STPG2: variants seen among roughly 807,000 people sequenced by gnomAD.
STPG2 encodes sperm tail PG-rich repeat containing 2.
Under a neutral mutation model 54.2 loss-of-function variants are expected in STPG2, and 56 were observed. That is an observed-to-expected ratio of 1.03 (90% CI 0.83 to 1.29). The LOEUF is 1.29. STPG2 is among the 50% of genes most tolerant of loss of function. The probability of loss-of-function intolerance (pLI) is 0.00; values close to 1 mark genes in which losing one functional copy is unlikely to be tolerated. For missense variants in STPG2, 596 were observed against 544.9 expected (o/e 1.09, Z -0.93); for synonymous variants, 200 against 181.8 (o/e 1.10, Z -0.81).
intron 8 of STPG2, among the ~76,000 whole-genome samples, chr4:97,844,958 T>A (rs779433487): frequency 2.0e-5 from 3 of 152,012 alleles, no homozygotes; most frequent in Non-Finnish European, 2.9e-5. Flanking sequence ...CTGAGTCAAG[T>A]TAGTAAATTT....
At chr4:97,502,374 A>C (rs1222927929) in intron 4 of STPG2, among the ~76,000 whole-genome samples, 5 of 152,032 alleles carry the variant, frequency 3.3e-5, no homozygotes, top group African/African-American at 7.2e-5. Context: ...CATCACAGCA[A>C]CATTCAATTC....
chr4:97,582,631 A>T (rs1000970973), intron 10 of STPG2, among the ~76,000 whole-genome samples: 22 of 152,060 alleles, frequency 1.4e-4, no homozygotes, highest in Non-Finnish European at 2.4e-4. Context: ...GGGAAAGAAA[A>T]AGCCTAAATC....
intron 9 of STPG2, among the ~76,000 whole-genome samples, chr4:97,809,554 C>T (rs183281463): frequency 1.3e-5 from 2 of 152,124 alleles, no homozygotes; most frequent in Non-Finnish European, 1.5e-5. Context: ...AGCATGAGAA[C>T]GATTTGATGT....
At chr4:97,471,046 C>T (rs539897598) in intron 4 of STPG2, among the ~76,000 whole-genome samples, 1 of 152,236 alleles carries the variant, frequency 6.6e-6, no homozygotes, top group Non-Finnish European at 1.5e-5. Context: ...GTAGTGTATA[C>T]AGCTAGATAC....
At chr4:97,569,385 A>G (rs191050494) in intron 10 of STPG2, among the ~76,000 whole-genome samples, 204 of 152,264 alleles carry the variant, frequency 1.3e-3, no homozygotes, top group Admixed American at 0.013. Context: ...GCTGCAATCA[A>G]TTTGATCAGC....
intron 5 of STPG2, among the ~76,000 whole-genome samples, chr4:98,001,858 A>T (rs1434496980): frequency 6.6e-6 from 1 of 152,176 alleles, no homozygotes; most frequent in Non-Finnish European, 1.5e-5. Flanking sequence ...AATTTTTAGC[A>T]ACTATGAAAT....
In STPG2 at chr4:97,492,085, C is replaced by A. The variant is rs570950990; in HGVS notation, c.462+220614G>T. Among the ~76,000 whole-genome samples the A allele has an allele frequency of 2.0e-5, 3 of 151,506 alleles. No homozygotes were observed. In the Admixed American group the frequency reaches 2.0e-4, roughly 10 times the overall value. On this transcript the variant is annotated intron_variant, in intron 4 of 4. Transcript: ENST00000522676. Reference sequence around the variant, plus strand: ...AATTTTCTCTTTAAAGCACTCAGTGCACACCTAGATGGTCATCTCGTAAGA... The same window carrying A: ...AATTTTCTCTTTAAAGCACTCAGTGAACACCTAGATGGTCATCTCGTAAGA...
At chr4:98,079,281 G>A (rs750984578) in intron 5 of STPG2, among the ~76,000 whole-genome samples, 1 of 152,178 alleles carries the variant, frequency 6.6e-6, no homozygotes, top group African/African-American at 2.4e-5. Flanking sequence ...TATGTATCCT[G>A]TATAGGATGA....
At chr4:98,085,279 T>A (rs1738470778) in intron 5 of STPG2, among the ~76,000 whole-genome samples, 1 of 152,054 alleles carries the variant, frequency 6.6e-6, no homozygotes, top group African/African-American at 2.4e-5. Flanking sequence ...TACTCTCTAA[T>A]TTTTACTGTC....
intron 10 of STPG2, among the ~76,000 whole-genome samples, chr4:97,570,105 A>T (rs996763557): frequency 1.3e-5 from 2 of 152,276 alleles, no homozygotes; most frequent in African/African-American, 4.8e-5. Flanking sequence ...AGCCTCTTTC[A>T]GATTAAAGAA....
At chr4:97,834,929 C>G (rs961749524) in intron 9 of STPG2, among the ~76,000 whole-genome samples, 2 of 152,048 alleles carry the variant, frequency 1.3e-5, no homozygotes, top group Non-Finnish European at 2.9e-5. Flanking sequence ...GAAGATGGAT[C>G]TTCATCCCTC....
chr4:97,724,615 T>G (rs1002989771), intron 9 of STPG2, among the ~76,000 whole-genome samples: 2 of 152,156 alleles, frequency 1.3e-5, no homozygotes, highest in Non-Finnish European at 2.9e-5. Flanking sequence ...TTTCTGGATA[T>G]TTTTTAAATT....
chr4:97,567,038 T>A (rs909906402), intron 10 of STPG2, among the ~76,000 whole-genome samples: 3 of 151,638 alleles, frequency 2.0e-5, no homozygotes, highest in African/African-American at 4.8e-5. Flanking sequence ...ATAATAATAA[T>A]AAAATAAATA....
chr4:98,063,216 C>A (rs1259747543), intron 5 of STPG2, among the ~76,000 whole-genome samples: 1 of 151,956 alleles, frequency 6.6e-6, no homozygotes, highest in African/African-American at 2.4e-5. Context: ...TTTGGGAGAC[C>A]TAGGTGGGCG....
intron 4 of STPG2, among the ~76,000 whole-genome samples, chr4:97,538,585 T>C (rs543273305): frequency 1.1e-4 from 16 of 152,138 alleles, no homozygotes; most frequent in Admixed American, 9.8e-4. Context: ...CTGAAAGTGA[T>C]GGGGAGAATG....
At chr4:97,497,855 C>G (rs949725305) in intron 4 of STPG2, among the ~76,000 whole-genome samples, 2 of 151,750 alleles carry the variant, frequency 1.3e-5, no homozygotes, top group South Asian at 2.1e-4. Flanking sequence ...CTTCTGATGC[C>G]TACATTTCTC....
chr4:97,616,092 A>ATATATG (rs764342142), intron 10 of STPG2, among the ~76,000 whole-genome samples: 2,329 of 62,766 alleles, frequency 0.037, 85 homozygotes, highest in Non-Finnish European at 0.054. Context: ...ATATATATAT[A>ATATATG]TATGTATGTA....
At chr4:97,738,344 C>T (rs2149033486) in intron 9 of STPG2, among the ~76,000 whole-genome samples, 1 of 152,244 alleles carries the variant, frequency 6.6e-6, no homozygotes. Flanking sequence ...ATGACAGGAT[C>T]AAATTCACAC....
intron 8 of STPG2, among the ~76,000 whole-genome samples, chr4:97,856,522 G>A (rs1729343609): frequency 6.6e-6 from 1 of 152,130 alleles, no homozygotes; most frequent in Non-Finnish European, 1.5e-5. Flanking sequence ...TATCCCCAGA[G>A]TTTGCTGAAG....
Sources: gnomAD v4.1 joint callset for allele counts (sites outside exome capture counted in the v4.1 genomes callset) on GRCh38, gnomAD v4.1.1 for gene constraint, MANE v1.5 for transcripts, NCBI Gene and HGNC (gene_info 2026-07-23, HGNC 2026-07-21) for gene names.